TPD52: variants seen among roughly 807,000 people sequenced by gnomAD.
TPD52 encodes tumor protein D52.
In TPD52, 17 loss-of-function variants were observed where a neutral mutation model predicts 31.3. The ratio of observed to expected loss-of-function variants is 0.54; its 90% CI spans 0.37 to 0.82. TPD52 has a LOEUF of 0.82. TPD52 is among the 40% of genes least tolerant of loss of function. The pLI is 0.00. For missense variants in TPD52, 212 were observed against 240.1 expected (o/e 0.88, Z 0.77); for synonymous variants, 83 against 89.6 (o/e 0.93, Z 0.42).
chr8:80,101,785 T>C (rs1159287916), intron 1 of TPD52, among the ~76,000 whole-genome samples: 1 of 152,130 alleles, frequency 6.6e-6, no homozygotes, highest in Non-Finnish European at 1.5e-5. Context: ...CACAAAGTCA[T>C]TCATGAAGGA....
At chr8:80,103,726 T>G (rs1806908260) in intron 1 of TPD52, among the ~76,000 whole-genome samples, 1 of 152,208 alleles carries the variant, frequency 6.6e-6, no homozygotes, top group African/African-American at 2.4e-5. Context: ...TTTTAACATT[T>G]CTGCTCCAGA....
chr8:80,166,691 G>C (rs1017880444), intron 1 of TPD52, among the ~76,000 whole-genome samples: 1 of 151,722 alleles, frequency 6.6e-6, no homozygotes, highest in Non-Finnish European at 1.5e-5. Context: ...ATCACCTGAG[G>C]TCAGGAGTTC....
chr8:80,144,803 G>A (rs1345298350), intron 1 of TPD52, among the ~76,000 whole-genome samples: 1 of 151,950 alleles, frequency 6.6e-6, no homozygotes, highest in African/African-American at 2.4e-5. Flanking sequence ...TATTCGGTGT[G>A]CATTCTAACC....
chr8:80,110,482 TATAA>T (rs1246353704), intron 1 of TPD52, among the ~76,000 whole-genome samples: 3 of 152,034 alleles, frequency 2.0e-5, no homozygotes, highest in Admixed American at 6.6e-5. Context: ...CGTCCAAGTT[TATAA>T]ATGAGAGGCT....
intron 5 of TPD52, 31 bp downstream of exon 5, chr8:80,050,414 G>A: frequency 6.3e-7 from 1 of 1,597,764 alleles, no homozygotes; most frequent in Non-Finnish European, 8.5e-7. Context: ...TACAACTGCT[G>A]GACTGCAGTG....
intron 1 of TPD52, among the ~76,000 whole-genome samples, chr8:80,130,234 A>C (rs1479987155): frequency 6.6e-6 from 1 of 152,186 alleles, no homozygotes; most frequent in Non-Finnish European, 1.5e-5. Flanking sequence ...ACACAGACAA[A>C]ATCACAGAAG....
intron 1 of TPD52, among the ~76,000 whole-genome samples, chr8:80,102,997 T>C (rs1386683223): frequency 2.6e-5 from 4 of 152,170 alleles, no homozygotes; most frequent in East Asian, 3.9e-4. Context: ...AAAGGAGACA[T>C]GGAAGCTCCA....
intron 3 of TPD52, chr8:80,051,911 A>C (rs1811425528): frequency 3.2e-6 from 1 of 316,880 alleles, no homozygotes; most frequent in African/African-American, 2.1e-5. Flanking sequence ...GGCTAAAAAT[A>C]ATCATCAAAC....
chr8:80,097,797 GA>G (rs929248977), intron 1 of TPD52, among the ~76,000 whole-genome samples: 1 of 152,196 alleles, frequency 6.6e-6, no homozygotes, highest in African/African-American at 2.4e-5. Flanking sequence ...CTATGTAAAT[GA>G]AACAGCCTTT....
chr8:80,098,859 G>C (rs1806519866), intron 1 of TPD52, among the ~76,000 whole-genome samples: 1 of 152,120 alleles, frequency 6.6e-6, no homozygotes. Context: ...AATTGCCACG[G>C]CCAGCTCAAC....
At chr8:80,126,951 AT>A in intron 1 of TPD52, among the ~76,000 whole-genome samples, 1 of 152,170 alleles carries the variant, frequency 6.6e-6, no homozygotes, top group African/African-American at 2.4e-5. Flanking sequence ...CTACAAAAAA[AT>A]TTTTTAAACA....
At chr8:80,054,940 A>G (rs766843868) in intron 2 of TPD52, among the ~76,000 whole-genome samples, 1 of 152,204 alleles carries the variant, frequency 6.6e-6, no homozygotes, top group Non-Finnish European at 1.5e-5. Flanking sequence ...AAAAAAGAGG[A>G]AAGAATAAGG....
At chr8:80,155,655 G>A (rs1368366969) in intron 1 of TPD52, among the ~76,000 whole-genome samples, 2 of 152,094 alleles carry the variant, frequency 1.3e-5, no homozygotes, top group Non-Finnish European at 2.9e-5. Context: ...AGGCCGAGGC[G>A]GGCAGATCAC....
intron 3 of TPD52, chr8:80,051,878 A>G: frequency 2.6e-6 from 1 of 384,612 alleles, no homozygotes; most frequent in East Asian, 4.0e-5. Context: ...CTATAAAGGC[A>G]GGGCCAAAGA....
chr8:80,154,820 T>A (rs1242910873), intron 1 of TPD52, among the ~76,000 whole-genome samples: 2 of 151,676 alleles, frequency 1.3e-5, no homozygotes, highest in African/African-American at 4.8e-5. Flanking sequence ...AGGAAATCCA[T>A]TTCAGGGTTT....
At chr8:80,062,992 A>T (rs1383842972) in intron 2 of TPD52, among the ~76,000 whole-genome samples, 1 of 152,248 alleles carries the variant, frequency 6.6e-6, no homozygotes, top group South Asian at 2.1e-4. Context: ...AGTTAAAAAA[A>T]TTTTAAAACA....
Position 80,037,419 on chromosome 8 carries a change from C to T in TPD52, c.*697G>A, listed in dbSNP as rs530700132. ...GATATAAGTGGTATAATAAACAATA[C>T]ACTGAAATGGTTACTGTCACAAACG... On this transcript the variant is annotated 3_prime_UTR_variant, in exon 8 of 8. Coordinates refer to ENST00000518937, the MANE Select transcript of TPD52 (RefSeq NM_001025253.3). 1 of 152,274 alleles carries T rather than the reference C, an allele frequency of 6.6e-6. No homozygotes were observed. Among genetic ancestry groups the T allele is most frequent in the Non-Finnish European group, 1.5e-5 (1 of 68,008 alleles). 9.4% of individuals were successfully genotyped at this position (152,274 alleles called of 1,614,324 possible).
chr8:80,171,394 G>A (rs1290185206), intron 1 of TPD52, 31 bp downstream of exon 1: 1 of 1,596,172 alleles, frequency 6.3e-7, no homozygotes, highest in Non-Finnish European at 8.5e-7. Flanking sequence ...GTCCAAGCCC[G>A]AGCCCAAGCC....
At chr8:80,140,511 T>A (rs529992659) in intron 1 of TPD52, among the ~76,000 whole-genome samples, 3 of 152,344 alleles carry the variant, frequency 2.0e-5, no homozygotes, top group South Asian at 2.1e-4. Flanking sequence ...AAGCCATTAA[T>A]GACCTGAAAG....
Sources: allele counts gnomAD v4.1 joint callset (sites outside exome capture counted in the v4.1 genomes callset), GRCh38; gene constraint gnomAD v4.1.1; transcripts MANE v1.5; gene names NCBI Gene and HGNC (gene_info 2026-07-23, HGNC 2026-07-21).